Variants in LSAMP observed in about 807,000 individuals in gnomAD.
LSAMP encodes the protein limbic system associated membrane protein.
LSAMP carries 7 observed loss-of-function variants against 38.6 expected under a neutral mutation model. The ratio of observed to expected loss-of-function variants is 0.18; its 90% CI spans 0.10 to 0.34. The LOEUF (loss-of-function observed/expected upper bound fraction) is 0.34. Ranked by LOEUF, LSAMP falls within the 10% of genes least tolerant of loss-of-function variation. The pLI is 1.00. For missense variants in LSAMP, 313 were observed against 420.0 expected, an observed-to-expected ratio of 0.75 and a Z score of 2.23; for synonymous variants, 154 against 166.8, an observed-to-expected ratio of 0.92 and a Z score of 0.59.
intron 1 of LSAMP, among the ~76,000 whole-genome samples, chr3:116,290,035 C>T (rs1285083760): frequency 1.3e-5 from 2 of 152,116 alleles, no homozygotes; most frequent in African/African-American, 2.4e-5. Context: ...GCATAAATAC[C>T]AGAAATGGCT....
chr3:116,025,854 A>G (rs1940778155), intron 2 of LSAMP, among the ~76,000 whole-genome samples: 1 of 152,214 alleles, frequency 6.6e-6, no homozygotes, highest in South Asian at 2.1e-4. Context: ...TTTTTTGAAT[A>G]CCACACTATT....
chr3:116,387,910 G>A (rs2048645289), intron 1 of LSAMP, among the ~76,000 whole-genome samples: 1 of 151,796 alleles, frequency 6.6e-6, no homozygotes, highest in South Asian at 2.1e-4. Context: ...TGGCTAACAC[G>A]GTGAAACCCC....
chr3:116,441,273 T>C (rs1269176555), intron 1 of LSAMP, among the ~76,000 whole-genome samples: 1 of 152,200 alleles, frequency 6.6e-6, no homozygotes, highest in Non-Finnish European at 1.5e-5. Flanking sequence ...TTTATTACCT[T>C]GAATTTAGAA....
intron 1 of LSAMP, among the ~76,000 whole-genome samples, chr3:116,424,714 T>C (rs1048154236): frequency 2.0e-5 from 3 of 152,252 alleles, no homozygotes; most frequent in African/African-American, 4.8e-5. Context: ...TGAAATGCAG[T>C]ATTGAGAGTC....
intron 1 of LSAMP, among the ~76,000 whole-genome samples, chr3:116,409,798 C>T (rs72951935): frequency 0.11 from 16,720 of 152,032 alleles, 1,287 homozygotes; most frequent in African/African-American, 0.22. Context: ...AGCAGACATA[C>T]GTCTAATTAA....
At chr3:116,254,151 C>T (rs114933348) in intron 1 of LSAMP, among the ~76,000 whole-genome samples, 2,048 of 152,178 alleles carry the variant, frequency 0.013, 46 homozygotes, top group African/African-American at 0.045. Context: ...ATCCCAACTT[C>T]TTGTACCATC....
intron 2 of LSAMP, among the ~76,000 whole-genome samples, chr3:116,037,892 A>G (rs1941082656): frequency 6.6e-6 from 1 of 152,100 alleles, no homozygotes; most frequent in African/African-American, 2.4e-5. Context: ...TGTTTAGATG[A>G]GCATTTTAGA....
intron 3 of LSAMP, among the ~76,000 whole-genome samples, chr3:115,987,489 A>C (rs1030572014): frequency 1.3e-5 from 2 of 152,186 alleles, no homozygotes; most frequent in African/African-American, 4.8e-5. Flanking sequence ...TTGAGATTTC[A>C]GGAACTACAG....
chr3:115,973,554 G>A (rs1035958454), intron 3 of LSAMP, among the ~76,000 whole-genome samples: 4 of 152,030 alleles, frequency 2.6e-5, no homozygotes, highest in Admixed American at 1.3e-4. Context: ...TCCACATGGC[G>A]AAATGCCGTC....
At chr3:115,978,483 TATGA>T (rs1559905801) in intron 3 of LSAMP, among the ~76,000 whole-genome samples, 1 of 152,068 alleles carries the variant, frequency 6.6e-6, no homozygotes, top group African/African-American at 2.4e-5. Flanking sequence ...AGTAATTTAC[TATGA>T]ATGTTTGAAT....
intron 3 of LSAMP, among the ~76,000 whole-genome samples, chr3:115,934,567 G>A (rs112238027): frequency 1.1e-3 from 162 of 152,154 alleles, no homozygotes; most frequent in African/African-American, 2.8e-3. Context: ...TTGAACCTCT[G>A]GATCATGATA....
At chr3:116,431,148 TGA>T (rs932258237) in intron 1 of LSAMP, among the ~76,000 whole-genome samples, 24 of 152,112 alleles carry the variant, frequency 1.6e-4, no homozygotes, top group African/African-American at 5.1e-4. Flanking sequence ...GATCCTGGCC[TGA>T]GAGAGAATGA....
At chr3:115,978,510 A>C (rs1357069417) in intron 3 of LSAMP, among the ~76,000 whole-genome samples, 1 of 152,096 alleles carries the variant, frequency 6.6e-6, no homozygotes, top group Non-Finnish European at 1.5e-5. Context: ...CAATGGTGTC[A>C]AGCAAGAAAT....
At chr3:116,004,555 CAT>C (rs200212862) in intron 3 of LSAMP, among the ~76,000 whole-genome samples, 4,680 of 147,342 alleles carry the variant, frequency 0.032, 187 homozygotes, top group African/African-American at 0.097. Flanking sequence ...CACGTAGGTG[CAT>C]ATATATATAT....
At chr3:116,407,599 G>A (rs116575471) in intron 1 of LSAMP, among the ~76,000 whole-genome samples, 122 of 152,184 alleles carry the variant, frequency 8.0e-4, no homozygotes, top group African/African-American at 2.9e-3. Flanking sequence ...GTGACTTATG[G>A]AAGCAACCTT....
intron 1 of LSAMP, among the ~76,000 whole-genome samples, chr3:116,407,706 G>A (rs2048915070): frequency 6.6e-6 from 1 of 152,018 alleles, no homozygotes; most frequent in Admixed American, 6.6e-5. Flanking sequence ...CCTTGTCATG[G>A]AAAATGATGA....
intron 3 of LSAMP, among the ~76,000 whole-genome samples, chr3:115,925,873 G>A (rs1467543524): frequency 6.6e-6 from 1 of 152,078 alleles, no homozygotes; most frequent in African/African-American, 2.4e-5. Context: ...AAATGGAATG[G>A]GTTTAATAAG....
At chr3:116,341,250 A>G (rs576846323) in intron 1 of LSAMP, among the ~76,000 whole-genome samples, 1 of 152,142 alleles carries the variant, frequency 6.6e-6, no homozygotes, top group Non-Finnish European at 1.5e-5. Context: ...AAAAAAACTA[A>G]TATTATATAT....
rs74788267 is a variant in LSAMP, at chr3:115,818,109, T to C, written c.920-7695A>G. Among the ~76,000 whole-genome samples the C allele has an allele frequency of 9.8e-4, 150 of 152,302 alleles. 2 individuals carry two copies. The East Asian group carries it at 0.025, about 26-fold the overall frequency. On this transcript the variant is annotated intron_variant, in intron 6 of 6. Coordinates refer to ENST00000490035, the MANE Select transcript of LSAMP (RefSeq NM_002338.5). ...GGCTCCCACTTCTCTAGACAGAACC[T>C]AGTCCATTATTCCACAATACCCCTT... is the stretch of plus-strand genomic sequence containing the variant.
Sources: allele counts gnomAD v4.1 joint callset (sites outside exome capture counted in the v4.1 genomes callset), GRCh38; gene constraint gnomAD v4.1.1; transcripts MANE v1.5; gene names NCBI Gene and HGNC (gene_info 2026-07-23, HGNC 2026-07-21).